GSDMC: variants seen among roughly 807,000 people sequenced by gnomAD.
GSDMC encodes the protein gasdermin C.
In GSDMC, 59 loss-of-function variants were observed where a neutral mutation model predicts 58.0. The ratio of observed to expected loss-of-function variants is 1.02; its 90% CI spans 0.82 to 1.26. GSDMC has a LOEUF of 1.26. GSDMC is among the 50% of genes most tolerant of loss of function. The pLI is 0.00. For synonymous variants in GSDMC, 241 were observed against 220.2 expected (o/e 1.09, Z -0.83); for missense variants, 659 against 598.5 (o/e 1.10, Z -1.06).
intron 1 of GSDMC, among the ~76,000 whole-genome samples, chr8:129,778,796 C>T (rs189396425): frequency 5.7e-4 from 85 of 148,322 alleles, no homozygotes; most frequent in African/African-American, 1.8e-3. Context: ...AGTGGGCAAA[C>T]GACATGAAGA....
the GSDMC span, among the ~76,000 whole-genome samples, chr8:129,738,659 G>T: frequency 6.6e-6 from 1 of 152,108 alleles, no homozygotes; most frequent in Non-Finnish European, 1.5e-5. Context: ...CTCTCGTGGG[G>T]TGGGGAGCAG....
At chr8:129,766,753 A>C (rs1205103463) in intron 3 of GSDMC, among the ~76,000 whole-genome samples, 1 of 152,180 alleles carries the variant, frequency 6.6e-6, no homozygotes, top group Non-Finnish European at 1.5e-5. Context: ...GCGCCACCGC[A>C]ACATGAATGG....
intron 3 of GSDMC, among the ~76,000 whole-genome samples, chr8:129,772,920 A>G (rs537737729): frequency 6.6e-6 from 1 of 152,218 alleles, no homozygotes; most frequent in Non-Finnish European, 1.5e-5. Context: ...CATACACCAC[A>G]AACAAGTGGA....
the GSDMC span, among the ~76,000 whole-genome samples, chr8:129,720,896 G>A: frequency 6.6e-6 from 1 of 152,168 alleles, no homozygotes; most frequent in African/African-American, 2.4e-5. Context: ...TGGGATAAGT[G>A]CAGTGGGAAA....
the GSDMC span, among the ~76,000 whole-genome samples, chr8:129,735,536 CA>C: frequency 6.6e-6 from 1 of 152,210 alleles, no homozygotes; most frequent in Non-Finnish European, 1.5e-5. Context: ...GGAAACTGAA[CA>C]ACCTGCTCCT....
the GSDMC span, among the ~76,000 whole-genome samples, chr8:129,742,975 C>T: frequency 1.3e-5 from 2 of 152,240 alleles, no homozygotes; most frequent in East Asian, 3.9e-4. Flanking sequence ...TTATAATCAT[C>T]AATAATTGTA....
the GSDMC span, among the ~76,000 whole-genome samples, chr8:129,731,997 A>G: frequency 2.0e-5 from 3 of 152,206 alleles, no homozygotes; most frequent in African/African-American, 7.2e-5. Flanking sequence ...TGTCTGGCAA[A>G]AGGGAAATGT....
intron 6 of GSDMC, chr8:129,753,034 G>A: frequency 1.2e-6 from 1 of 830,862 alleles, no homozygotes; most frequent in Non-Finnish European, 1.8e-6. Context: ...AAAGAGCTCT[G>A]GAGTCCTAGG....
intron 3 of GSDMC, among the ~76,000 whole-genome samples, chr8:129,767,769 C>T (rs1487367007): frequency 1.3e-5 from 2 of 152,120 alleles, no homozygotes; most frequent in Non-Finnish European, 2.9e-5. Context: ...AAAACCTAGT[C>T]AGTGGCTCCA....
chr8:129,778,621 A>G (rs1025495805), intron 1 of GSDMC, among the ~76,000 whole-genome samples: 1 of 152,236 alleles, frequency 6.6e-6, no homozygotes, highest in African/African-American at 2.4e-5. Flanking sequence ...AGATCTAATT[A>G]AACTTAAGAG....
At chr8:129,733,975 C>T in the GSDMC span, among the ~76,000 whole-genome samples, 17 of 152,098 alleles carry the variant, frequency 1.1e-4, no homozygotes, top group African/African-American at 3.9e-4. Flanking sequence ...GTAGAGAACA[C>T]CTTAAATGAC....
Position 129,750,615 on chromosome 8 carries a change from T to G in GSDMC, c.944-45A>C, listed in dbSNP as rs908060801. 4.4e-6 allele frequency: 7 copies of G among 1,595,336 alleles called. No homozygotes were observed. In the African/African-American group the frequency reaches 8.1e-5, roughly 18 times the overall value. On this transcript the variant is annotated intron_variant, in intron 10 of 13. Transcript: ENST00000276708. ...CCGACCAGAAAGTGGGGACAAGTCT[T>G]TGATTAGAACATCCTTGGAATGACA...
downstream of GSDMC, among the ~76,000 whole-genome samples, chr8:129,747,030 A>G (rs1274033901): frequency 6.6e-6 from 1 of 151,916 alleles, no homozygotes; most frequent in Non-Finnish European, 1.5e-5. Context: ...CAGGCAGATC[A>G]CTTGAGGCCA....
chr8:129,775,299 A>G (rs1210458138), intron 3 of GSDMC, among the ~76,000 whole-genome samples: 1 of 152,252 alleles, frequency 6.6e-6, no homozygotes, highest in African/African-American at 2.4e-5. Context: ...ATGCTAAATA[A>G]AAGTCAAACA....
At chr8:129,718,837 G>A in the GSDMC span, among the ~76,000 whole-genome samples, 4 of 152,130 alleles carry the variant, frequency 2.6e-5, no homozygotes, top group Non-Finnish European at 5.9e-5. Context: ...ATACACCATG[G>A]AAATACTATG....
chr8:129,751,048 G>T (rs570586264), intron 10 of GSDMC, among the ~76,000 whole-genome samples: 1 of 152,156 alleles, frequency 6.6e-6, no homozygotes, highest in Non-Finnish European at 1.5e-5. Context: ...GACATGGGGG[G>T]ATTGCTTGAG....
In GSDMC at chr8:129,749,989, C is replaced by T. The variant is rs1270950638; in HGVS notation, c.1213+1G>A. On this transcript the variant is annotated splice_donor_variant, in intron 12 of 13. Coordinates refer to ENST00000276708, the MANE Select transcript of GSDMC (RefSeq NM_031415.3). LOFTEE classifies it high-confidence loss of function. ...CCATTCTTCCCTTTAATTACTCTTA[C>T]CCATTATGGCTTCAAGGAGATAAAG... is the stretch of plus-strand genomic sequence containing the variant. 1 of 1,590,260 alleles carries T rather than the reference C, an allele frequency of 6.3e-7. No individual in the cohort carries two copies. The highest frequency in any genetic ancestry group is 8.5e-7 in the Non-Finnish European group (1 of 1,172,780).
chr8:129,741,202 T>C, the GSDMC span, among the ~76,000 whole-genome samples: 1 of 152,166 alleles, frequency 6.6e-6, no homozygotes, highest in African/African-American at 2.4e-5. Flanking sequence ...CATTGGCCAA[T>C]TTGTCTGTTG....
chr8:129,725,350 T>C, the GSDMC span, among the ~76,000 whole-genome samples: 2 of 152,226 alleles, frequency 1.3e-5, no homozygotes, highest in Admixed American at 6.5e-5. Flanking sequence ...AAAGACACAC[T>C]CATGCGTTCT....
Sources: allele counts gnomAD v4.1 joint callset (sites outside exome capture counted in the v4.1 genomes callset), GRCh38; gene constraint gnomAD v4.1.1; transcripts MANE v1.5; gene names NCBI Gene and HGNC (gene_info 2026-07-23, HGNC 2026-07-21).